Variants in GRB14 observed in about 807,000 individuals in gnomAD.
GRB14 encodes the protein growth factor receptor-bound protein 14.
In GRB14, 38 loss-of-function variants were observed where a neutral mutation model predicts 69.1. The ratio of observed to expected loss-of-function variants is 0.55; its 90% CI spans 0.42 to 0.72. The LOEUF (loss-of-function observed/expected upper bound fraction) is 0.72, where lower values mean the gene tolerates loss of function less well. Among genes scored for constraint, GRB14 ranks in the 30% least tolerant of loss-of-function variants. GRB14 has a pLI of 0.00. For missense variants in GRB14, 666 were observed against 666.1 expected (o/e 1.00, Z 0.00); for synonymous variants, 247 against 241.3 (o/e 1.02, Z -0.22).
chr2:164,518,405 C>T (rs1218101598), intron 6 of GRB14, among the ~76,000 whole-genome samples: 1 of 152,046 alleles, frequency 6.6e-6, no homozygotes. Context: ...TAAATGCCTA[C>T]ATCAAAAAGT....
rs150655369 is a variant in GRB14, at chr2:164,514,925, T to C, written c.817-6073A>G. Among the ~76,000 whole-genome samples the C allele has an allele frequency of 1.2e-3, 189 of 152,260 alleles. 5 individuals carry two copies. The East Asian group carries it at 0.033, about 27-fold the overall frequency. ...GGCTGCACAGGAGCTGCGTGAGGCC[T>C]GTAACTGCCGATTTTCCACCACTTC... On this transcript the variant is annotated intron_variant, in intron 6 of 13. Coordinates refer to ENST00000263915, the MANE Select transcript of GRB14 (RefSeq NM_004490.3).
rs900623186 is a variant in GRB14, at chr2:164,497,091, G to T, written c.1299C>A (p.Ile433=). The T allele has an allele frequency of 6.2e-7, 1 of 1,613,084 alleles. No homozygotes were observed. The highest frequency in any genetic ancestry group is 1.3e-5 in the African/African-American group (1 of 74,882). Residue 433 remains isoleucine, a synonymous_variant, in exon 12 of 14, where the codon ATC becomes ATA. Transcript: ENST00000263915. ...SSQSSATNMA[I]HRSQPWFHHK... ...GGTGAAACCATGGCTGGGACCGGTG[G>T]ATAGCTAAAGAAATAGGATGGATGA... is the stretch of plus-strand genomic sequence containing the variant.
At chr2:164,499,617 G>A (rs1046714087) in intron 9 of GRB14, among the ~76,000 whole-genome samples, 11 of 152,076 alleles carry the variant, frequency 7.2e-5, no homozygotes, top group Admixed American at 2.0e-4. Flanking sequence ...CCCTAAAAAA[G>A]GGGTCCATGA....
At chr2:164,535,537 G>A (rs891077566) in intron 3 of GRB14, among the ~76,000 whole-genome samples, 2 of 152,044 alleles carry the variant, frequency 1.3e-5, no homozygotes, top group Non-Finnish European at 2.9e-5. Flanking sequence ...CCTCTAATTC[G>A]CTCAGAAAAC....
chr2:164,548,793 G>C (rs1688451703), intron 2 of GRB14, among the ~76,000 whole-genome samples: 2 of 152,060 alleles, frequency 1.3e-5, no homozygotes. Flanking sequence ...GTTTTGATTT[G>C]CATTTACCTG....
At chr2:164,602,093 C>T (rs1190586858) in intron 2 of GRB14, among the ~76,000 whole-genome samples, 1 of 127,122 alleles carries the variant, frequency 7.9e-6, no homozygotes, top group South Asian at 2.5e-4. Flanking sequence ...ATTTATAAAA[C>T]AAAACACTTT....
chr2:164,568,274 C>T (rs1330545527), intron 2 of GRB14: 1 of 1,220,136 alleles, frequency 8.2e-7, no homozygotes, highest in Middle Eastern at 2.2e-4. Flanking sequence ...AAAAAAGCAG[C>T]AAGAAAAATT....
chr2:164,535,877 G>A (rs555237609), intron 3 of GRB14, among the ~76,000 whole-genome samples: 23 of 152,244 alleles, frequency 1.5e-4, no homozygotes, highest in African/African-American at 5.1e-4. Context: ...ATTCTTCTGC[G>A]AGGGGAAATA....
chr2:164,599,653 A>G (rs183076430), intron 2 of GRB14, among the ~76,000 whole-genome samples: 1 of 152,354 alleles, frequency 6.6e-6, no homozygotes, highest in Admixed American at 6.5e-5. Context: ...CTACCTAAAA[A>G]GAACAAGTTT....
Position 164,590,178 on chromosome 2 carries a change from G to A in GRB14, c.324+29509C>T, listed in dbSNP as rs573982430. Reference sequence around the variant, plus strand: ...TTCATATTTTTCCTAAGGAATAAATGTGTCCAGGTCACATAAGGAACTCAG... The same window carrying A: ...TTCATATTTTTCCTAAGGAATAAATATGTCCAGGTCACATAAGGAACTCAG... On this transcript the variant is annotated intron_variant, in intron 2 of 13. Coordinates refer to ENST00000263915, the MANE Select transcript of GRB14 (RefSeq NM_004490.3). 2.6e-5 allele frequency among the ~76,000 whole-genome samples: 4 copies of A among 152,228 alleles called. No homozygotes were observed. The East Asian group carries it at 7.7e-4, about 29-fold the overall frequency.
intron 2 of GRB14, among the ~76,000 whole-genome samples, chr2:164,614,827 CCAAAGTGGGGTAATTACTGGCATCA>C (rs1314631254): frequency 6.6e-6 from 1 of 151,986 alleles, no homozygotes; most frequent in African/African-American, 2.4e-5. Flanking sequence ...TTCAGCATGT[CCAAAGTGGGGTAATTACTGGCATCA>C]CAAAGGAATG....
intron 6 of GRB14, among the ~76,000 whole-genome samples, chr2:164,509,550 G>T (rs1687283572): frequency 6.6e-6 from 1 of 152,110 alleles, no homozygotes; most frequent in African/African-American, 2.4e-5. Context: ...TTCTGTGATA[G>T]GTTAATAACT....
chr2:164,503,086 C>T lies in GRB14; in HGVS notation c.1024-751G>A, dbSNP rs911973434. Among the ~76,000 whole-genome samples, 3 of 150,414 alleles carry T rather than the reference C, an allele frequency of 2.0e-5. No homozygotes were observed. The Admixed American group carries it at 2.0e-4, about 10-fold the overall frequency. Reference sequence around the variant, plus strand: ...ATTAGTTTGAAAAACAGTAAGAATGCCAACTGCCAAAACCAAACTTGTCCT... The same window carrying T: ...ATTAGTTTGAAAAACAGTAAGAATGTCAACTGCCAAAACCAAACTTGTCCT... On this transcript the variant is annotated intron_variant, in intron 8 of 13. Coordinates refer to ENST00000263915, the MANE Select transcript of GRB14 (RefSeq NM_004490.3).
intron 2 of GRB14, among the ~76,000 whole-genome samples, chr2:164,587,044 AT>A (rs1483163396): frequency 2.6e-5 from 4 of 152,184 alleles, no homozygotes; most frequent in Non-Finnish European, 4.4e-5. Context: ...AGAAATAGTT[AT>A]TTTTTAAAGA....
chr2:164,587,422 G>A (rs1031080643), intron 2 of GRB14, among the ~76,000 whole-genome samples: 1 of 152,174 alleles, frequency 6.6e-6, no homozygotes, highest in African/African-American at 2.4e-5. Flanking sequence ...TAGTTCCTCT[G>A]CCTAAGGAAG....
At position 164,577,676 on chromosome 2, in the gene GRB14, C is replaced by T. The variant is rs537811305; in HGVS notation, c.325-29860G>A. Among the ~76,000 whole-genome samples the T allele has an allele frequency of 2.4e-3, 365 of 152,208 alleles. 2 individuals are homozygous for T. Among genetic ancestry groups the T allele is most frequent in the African/African-American group, 8.4e-3 (348 of 41,532 alleles). On this transcript the variant is annotated intron_variant, in intron 2 of 13. Coordinates refer to ENST00000263915, the MANE Select transcript of GRB14 (RefSeq NM_004490.3). ...ATAGCAGTGTGAGAATGGACTAATACACTAATATATAATAAAACTGTAGTT... is the reference window on the plus strand; with the variant it reads ...ATAGCAGTGTGAGAATGGACTAATATACTAATATATAATAAAACTGTAGTT...
chr2:164,523,564 A>G (rs904524693), intron 5 of GRB14, among the ~76,000 whole-genome samples: 3 of 152,116 alleles, frequency 2.0e-5, no homozygotes, highest in Non-Finnish European at 2.9e-5. Context: ...TTTAAAGTAA[A>G]TTACTAAAAG....
At chr2:164,556,967 G>A (rs1380896400) in intron 2 of GRB14, among the ~76,000 whole-genome samples, 3 of 152,092 alleles carry the variant, frequency 2.0e-5, no homozygotes, top group South Asian at 2.1e-4. Flanking sequence ...GACACCTCAC[G>A]GAGTTTGAAA....
intron 2 of GRB14, among the ~76,000 whole-genome samples, chr2:164,584,006 GA>G (rs1333365673): frequency 1.3e-5 from 2 of 150,584 alleles, no homozygotes; most frequent in East Asian, 3.9e-4. Context: ...TTTTTTTGGA[GA>G]CAGAGTCTTG....
Sources: allele counts gnomAD v4.1 joint callset (sites outside exome capture counted in the v4.1 genomes callset), GRCh38; gene constraint gnomAD v4.1.1; transcripts MANE v1.5; gene names NCBI Gene and HGNC (gene_info 2026-07-23, HGNC 2026-07-21).